The following FBN2 variants were observed in gnomAD, a reference collection of about 807,000 sequenced individuals.
The protein encoded by FBN2 is fibrillin 2, also known as fibrillin-2.
Under a neutral mutation model 355.6 loss-of-function variants are expected in FBN2, and 105 were observed. The ratio of observed to expected loss-of-function variants is 0.30; its 90% CI spans 0.25 to 0.35. The LOEUF is 0.35. Among genes scored for constraint, FBN2 ranks in the 10% least tolerant of loss-of-function variants. The probability of loss-of-function intolerance (pLI) is 1.00; values close to 1 mark genes in which losing one functional copy is unlikely to be tolerated. For synonymous variants in FBN2, 1,350 were observed against 1,301.2 expected (o/e 1.04, Z -0.81); for missense variants, 3,280 against 3,758.7 (o/e 0.87, Z 3.33).
chr5:128,378,379 G>C (rs1269520034), intron 12 of FBN2, among the ~76,000 whole-genome samples: 1 of 152,124 alleles, frequency 6.6e-6, no homozygotes, highest in Non-Finnish European at 1.5e-5. Flanking sequence ...GGACCAGGGT[G>C]GTGGGTGTAG....
At position 128,338,962 on chromosome 5, in the gene FBN2, C is replaced by T. The variant is rs1431294208; in HGVS notation, c.3443G>A (p.Ser1148Asn). ...GCAGTTCTTCATCATCATGAAGCCA[C>T]TTTCATAGCCTTCGAAGCACTCGCA... is the stretch of plus-strand genomic sequence containing the variant. ...FECECFEGYESGFMMMKNCMD... is the reference protein window; with the variant it reads ...FECECFEGYENGFMMMKNCMD... The change falls in exon 26 of 65, where the codon AGT (serine) becomes AAT (asparagine). Residue 1148 changes from serine to asparagine, a missense_variant. Coordinates refer to ENST00000262464, the MANE Select transcript of FBN2 (RefSeq NM_001999.4). The T allele has an allele frequency of 6.2e-7, 1 of 1,614,096 alleles. No homozygotes were observed. Among genetic ancestry groups the T allele is most frequent in the South Asian group, 1.1e-5 (1 of 91,076 alleles).
intron 7 of FBN2, among the ~76,000 whole-genome samples, chr5:128,433,992 A>T (rs1349377514): frequency 6.6e-6 from 1 of 152,138 alleles, no homozygotes; most frequent in Non-Finnish European, 1.5e-5. Flanking sequence ...TGTCTTCTAA[A>T]ATAAGGGCTC....
chr5:128,486,009 ATT>A (rs1755327529), intron 5 of FBN2, among the ~76,000 whole-genome samples: 1 of 152,212 alleles, frequency 6.6e-6, no homozygotes, highest in Non-Finnish European at 1.5e-5. Flanking sequence ...CAAACTTATC[ATT>A]TAAGTACAGG....
intron 47 of FBN2, 101 bp downstream of exon 47, chr5:128,301,281 A>T: frequency 9.0e-7 from 1 of 1,106,478 alleles, no homozygotes; most frequent in South Asian, 1.3e-5. Context: ...TCTGATGATT[A>T]AATGAAATAT....
intron 13 of FBN2, among the ~76,000 whole-genome samples, chr5:128,377,523 G>T (rs1201667870): frequency 6.7e-6 from 1 of 149,718 alleles, no homozygotes. Context: ...ATTATTCACT[G>T]TTATAACATC....
At chr5:128,485,353 T>C (rs1755310043) in intron 5 of FBN2, among the ~76,000 whole-genome samples, 1 of 152,168 alleles carries the variant, frequency 6.6e-6, no homozygotes, top group Non-Finnish European at 1.5e-5. Flanking sequence ...AAGATATTCA[T>C]AGTAGTATTT....
In FBN2 at chr5:128,345,534, G is replaced by A. The variant is rs143892981; in HGVS notation, c.3040C>T (p.His1014Tyr). The change falls in exon 24 of 65, where the codon CAC becomes TAC. Residue 1014 changes from histidine (H) to tyrosine (Y), a missense_variant. Physicochemically the swap from His to Tyr is moderately conservative, Grantham distance 83. This residue lies in a region of FBN2 where 2,284 missense variants were observed against 2,749.5 expected (regional missense o/e 0.83). Transcript: ENST00000262464. ...ATGCGGAACTTTCCAGGAACGGGGT[G>A]GATGCATTCATCTTCATCCCACTTC... is the stretch of plus-strand genomic sequence containing the variant. ...YLKWDEDECIHPVPGKFRMDA... is the reference protein window; with the variant it reads ...YLKWDEDECIYPVPGKFRMDA... The A allele has an allele frequency of 6.8e-6, 11 of 1,614,146 alleles. No individual in the cohort carries two copies. In the East Asian group the frequency reaches 2.2e-4, roughly 33 times the overall value.
Position 128,289,074 on chromosome 5 carries a change from T to C in FBN2, c.6637+53A>G. On this transcript the variant is annotated intron_variant, in intron 52 of 64. Transcript: ENST00000262464. The stretch of plus-strand genomic sequence containing the variant: ...GGTACCTGAGAGACCTTTTACTGAA[T>C]ATGAGAAGTAAAATAGAACTTTAAA... 4 of 1,593,434 alleles carry C rather than the reference T, an allele frequency of 2.5e-6. No homozygotes were observed. The South Asian group carries it at 4.4e-5, about 18-fold the overall frequency.
At chr5:128,443,015 G>C (rs372979909) in intron 7 of FBN2, among the ~76,000 whole-genome samples, 1 of 152,118 alleles carries the variant, frequency 6.6e-6, no homozygotes, top group Non-Finnish European at 1.5e-5. Flanking sequence ...GCTCAAACTT[G>C]ATTTTTTGGC....
chr5:128,445,765 G>A (rs1754048819), intron 7 of FBN2, among the ~76,000 whole-genome samples: 1 of 152,054 alleles, frequency 6.6e-6, no homozygotes, highest in Non-Finnish European at 1.5e-5. Context: ...AAATATCCAT[G>A]ATCATTGAAG....
At chr5:128,310,363 C>T (rs1750000320) in intron 39 of FBN2, among the ~76,000 whole-genome samples, 1 of 58,972 alleles carries the variant, frequency 1.7e-5, no homozygotes. Context: ...ATTTCCTTGG[C>T]ACATATATAT....
chr5:128,412,594 A>AC (rs1293428735), intron 7 of FBN2, among the ~76,000 whole-genome samples: 2 of 152,206 alleles, frequency 1.3e-5, no homozygotes, highest in African/African-American at 4.8e-5. Context: ...AACAACAACA[A>AC]AAAACAGCAT....
chr5:128,448,471 C>G (rs915360193), intron 6 of FBN2, among the ~76,000 whole-genome samples: 4 of 151,894 alleles, frequency 2.6e-5, no homozygotes, highest in African/African-American at 7.3e-5. Flanking sequence ...CCACGCCCGG[C>G]TAATTTTGTA....
At chr5:128,379,688 T>C (rs1415988057) in intron 11 of FBN2, among the ~76,000 whole-genome samples, 1 of 152,150 alleles carries the variant, frequency 6.6e-6, no homozygotes, top group Non-Finnish European at 1.5e-5. Flanking sequence ...CTGAACAGTC[T>C]GGACTAGTTA....
intron 36 of FBN2, among the ~76,000 whole-genome samples, chr5:128,313,257 A>G (rs1404455987): frequency 6.6e-6 from 1 of 152,068 alleles, no homozygotes; most frequent in African/African-American, 2.4e-5. Context: ...GCTTTTCTTT[A>G]TCTCTACAGT....
chr5:128,471,871 T>C (rs1754870062), intron 5 of FBN2, among the ~76,000 whole-genome samples: 1 of 152,162 alleles, frequency 6.6e-6, no homozygotes, highest in Non-Finnish European at 1.5e-5. Context: ...CTTTTTAAGG[T>C]GCACGACTGA....
At chr5:128,294,188 G>T (rs1440221526) in intron 48 of FBN2, among the ~76,000 whole-genome samples, 233 of 151,916 alleles carry the variant, frequency 1.5e-3, no homozygotes, top group African/African-American at 5.4e-3. Flanking sequence ...TATGGCTGCA[G>T]AGTATTCCAT....
chr5:128,309,505 A>C (rs1258165323), intron 40 of FBN2, 106 bp from the exon 41 acceptor site: 1 of 933,998 alleles, frequency 1.1e-6, no homozygotes, highest in Non-Finnish European at 1.7e-6. Flanking sequence ...CACAACTCGG[A>C]AACCCTTTTT....
intron 5 of FBN2, among the ~76,000 whole-genome samples, chr5:128,469,581 A>G (rs976792099): frequency 1.3e-5 from 2 of 151,826 alleles, no homozygotes; most frequent in African/African-American, 4.8e-5. Context: ...GCATGGAATG[A>G]CAAGCTTATA....
Sources: gnomAD v4.1 joint callset for allele counts (sites outside exome capture counted in the v4.1 genomes callset) on GRCh38, gnomAD v4.1.1 for gene constraint, gnomAD v4.1.1 regional missense constraint, MANE v1.5 for transcripts, NCBI Gene and HGNC (gene_info 2026-07-23, HGNC 2026-07-21) for gene names.